GOLIM4: variants seen among roughly 807,000 people sequenced by gnomAD.
GOLIM4 encodes 130 kDa golgi-localized phosphoprotein.
In GOLIM4, 71 loss-of-function variants were observed where a neutral mutation model predicts 107.4. The ratio of observed to expected loss-of-function variants is 0.66; its 90% CI spans 0.55 to 0.81. The LOEUF (loss-of-function observed/expected upper bound fraction) is 0.81, where lower values mean the gene tolerates loss of function less well. GOLIM4 is among the 30% of genes least tolerant of loss of function. The probability of loss-of-function intolerance (pLI) is 0.00; values close to 1 mark genes in which losing one functional copy is unlikely to be tolerated. For missense variants in GOLIM4, 830 were observed against 826.1 expected (o/e 1.00, Z -0.06); for synonymous variants, 327 against 294.8 (o/e 1.11, Z -1.12).
At chr3:168,049,063 G>A (rs1233000786) in intron 1 of GOLIM4, among the ~76,000 whole-genome samples, 1 of 152,188 alleles carries the variant, frequency 6.6e-6, no homozygotes. Flanking sequence ...CCGATGTTCG[G>A]TTCTGTAAGA....
intron 12 of GOLIM4, 152 bp from the exon 13 acceptor site, chr3:168,025,247 C>A: frequency 1.6e-6 from 1 of 637,892 alleles, no homozygotes; most frequent in Non-Finnish European, 2.7e-6. Flanking sequence ...AATCAAGCAT[C>A]ACACTGTCAA....
chr3:168,038,506 G>A (rs1443257750), intron 7 of GOLIM4, among the ~76,000 whole-genome samples: 1 of 152,120 alleles, frequency 6.6e-6, no homozygotes, highest in East Asian at 1.9e-4. Context: ...TTCAAAGTCA[G>A]GATAACCTGA....
At chr3:168,062,244 G>C (rs1720312856) in intron 1 of GOLIM4, among the ~76,000 whole-genome samples, 2 of 152,040 alleles carry the variant, frequency 1.3e-5, no homozygotes, top group African/African-American at 2.4e-5. Context: ...CATCACCCGA[G>C]GTAAAGCATT....
At chr3:168,061,210 A>AT (rs1397983555) in intron 1 of GOLIM4, among the ~76,000 whole-genome samples, 1 of 152,150 alleles carries the variant, frequency 6.6e-6, no homozygotes, top group Non-Finnish European at 1.5e-5. Flanking sequence ...GCCACGAAAT[A>AT]TATGAAAAAG....
chr3:168,095,172 C>G lies in GOLIM4; in HGVS notation c.114G>C (p.Thr38=). ...YGAMLYYELQ[T]QLRKAEAVAL... ...CCACCGCCTCGGCTTTCCGCAGCTG[C>G]GTCTGCAGCTCGTAGTAGAGCATCG... The change falls in exon 1 of 16, where the codon ACG becomes ACC. Residue 38 remains threonine, a synonymous_variant. Transcript: ENST00000470487. 1.2e-6 allele frequency: 2 copies of G among 1,613,072 alleles called. No individual in the cohort carries two copies. Among genetic ancestry groups the G allele is most frequent in the Non-Finnish European group, 1.7e-6 (2 of 1,179,350 alleles).
chr3:168,083,518 T>C (rs1369279934), intron 1 of GOLIM4, among the ~76,000 whole-genome samples: 4 of 152,192 alleles, frequency 2.6e-5, no homozygotes, highest in African/African-American at 9.7e-5. Context: ...TCAAACGGTT[T>C]AAATACCAGG....
chr3:168,068,962 G>A (rs1179683002), intron 1 of GOLIM4, among the ~76,000 whole-genome samples: 1 of 151,632 alleles, frequency 6.6e-6, no homozygotes, highest in African/African-American at 2.4e-5. Flanking sequence ...TCAGCCTCCT[G>A]AGTAGCTGGG....
At chr3:168,086,676 C>T (rs541179764) in intron 1 of GOLIM4, among the ~76,000 whole-genome samples, 2 of 152,252 alleles carry the variant, frequency 1.3e-5, no homozygotes, top group East Asian at 1.9e-4. Flanking sequence ...AAATGTCATA[C>T]GGCTATAGAG....
chr3:168,058,074 G>A (rs1720075168), intron 1 of GOLIM4, among the ~76,000 whole-genome samples: 1 of 152,060 alleles, frequency 6.6e-6, no homozygotes, highest in South Asian at 2.1e-4. Context: ...CTGAAATACG[G>A]ACACTTTCAG....
chr3:168,019,597 C>T (rs1717571658), intron 14 of GOLIM4, among the ~76,000 whole-genome samples: 1 of 152,158 alleles, frequency 6.6e-6, no homozygotes, highest in South Asian at 2.1e-4. Context: ...ATTTGCAGTA[C>T]TGTAAAATGA....
At chr3:168,024,623 T>C in intron 13 of GOLIM4, 29 bp from the exon 14 acceptor site, 1 of 1,558,868 alleles carries the variant, frequency 6.4e-7, no homozygotes, top group Non-Finnish European at 8.9e-7. Flanking sequence ...CAGGTTCATG[T>C]TACTGTACAT....
chr3:168,029,368 C>T lies in GOLIM4; in HGVS notation c.1434-66G>A, dbSNP rs1553796144. 4 of 998,644 alleles carry T rather than the reference C, an allele frequency of 4.0e-6. No individual in the cohort carries two copies. The South Asian group carries it at 6.0e-5, about 15-fold the overall frequency. 61.9% of individuals were successfully genotyped at this position (998,644 alleles called of 1,614,324 possible). ...TTCAGAGGCACAGTTTGACATAGGTCATTTATCTTTAAAGACAGTAATAAG... is the reference window on the plus strand; with the variant it reads ...TTCAGAGGCACAGTTTGACATAGGTTATTTATCTTTAAAGACAGTAATAAG... On this transcript the variant is annotated intron_variant, in intron 10 of 15. Coordinates refer to ENST00000470487, the MANE Select transcript of GOLIM4 (RefSeq NM_014498.5).
chr3:168,062,630 A>G (rs1257981628), intron 1 of GOLIM4, among the ~76,000 whole-genome samples: 2 of 152,196 alleles, frequency 1.3e-5, no homozygotes, highest in Non-Finnish European at 2.9e-5. Context: ...CCTTGGAGAA[A>G]GCACCCAGTA....
intron 1 of GOLIM4, among the ~76,000 whole-genome samples, chr3:168,052,061 C>T (rs565641518): frequency 1.3e-5 from 2 of 152,028 alleles, no homozygotes; most frequent in Non-Finnish European, 2.9e-5. Context: ...GGTTAAAATC[C>T]CAGCTTCATT....
chr3:168,033,830 C>A (rs1718486982), intron 8 of GOLIM4, among the ~76,000 whole-genome samples: 1 of 151,880 alleles, frequency 6.6e-6, no homozygotes, highest in Admixed American at 6.6e-5. Context: ...TTCAGAATAA[C>A]CCTCCTCTAA....
chr3:168,087,541 A>G (rs1414919587), intron 1 of GOLIM4, among the ~76,000 whole-genome samples: 1 of 152,188 alleles, frequency 6.6e-6, no homozygotes, highest in Non-Finnish European at 1.5e-5. Context: ...TCATACCAGC[A>G]GCAAATTTCT....
chr3:168,084,547 G>A (rs1304394863), intron 1 of GOLIM4, among the ~76,000 whole-genome samples: 1 of 152,166 alleles, frequency 6.6e-6, no homozygotes, highest in East Asian at 1.9e-4. Context: ...TCAGCAGCTT[G>A]ACTGCAACCT....
intron 9 of GOLIM4, among the ~76,000 whole-genome samples, chr3:168,031,523 C>T (rs1718338938): frequency 6.6e-6 from 1 of 152,126 alleles, no homozygotes; most frequent in African/African-American, 2.4e-5. Context: ...ACCCATCCTC[C>T]CTGCCATACC....
At position 168,095,291 on chromosome 3, in the gene GOLIM4, C is replaced by T. The variant is rs1457761525; in HGVS notation, c.-6G>A. The T allele has an allele frequency of 3.7e-6, 6 of 1,610,720 alleles. No homozygotes were observed. The highest frequency in any genetic ancestry group is 4.5e-5 in the East Asian group (2 of 44,742). ...GAGCACATCCCGTTTCCCATAGTCC[C>T]GCCTGGACCCAAAGCCGCGGCCGCC... On this transcript the variant is annotated 5_prime_UTR_variant, in exon 1 of 16. Transcript: ENST00000470487.
Sources: gnomAD v4.1 joint callset for allele counts (sites outside exome capture counted in the v4.1 genomes callset) on GRCh38, gnomAD v4.1.1 for gene constraint, MANE v1.5 for transcripts, NCBI Gene and HGNC (gene_info 2026-07-23, HGNC 2026-07-21) for gene names.